Variants in SPIN1 observed in about 807,000 individuals in gnomAD.
The protein encoded by SPIN1 is spindlin-1.
In SPIN1, 3 loss-of-function variants were observed where a neutral mutation model predicts 26.0. The observed-to-expected ratio is 0.12, with a 90% CI of 0.05 to 0.30. SPIN1 has a LOEUF of 0.30. SPIN1 is among the 10% of genes least tolerant of loss of function. The probability of loss-of-function intolerance (pLI) is 1.00; values close to 1 mark genes in which losing one functional copy is unlikely to be tolerated. For synonymous variants in SPIN1, 101 were observed against 116.5 expected (o/e 0.87, Z 0.86); for missense variants, 126 against 333.4 (o/e 0.38, Z 4.84).
At chr9:88,442,129 T>C (rs1020460397) in intron 2 of SPIN1, among the ~76,000 whole-genome samples, 1 of 151,626 alleles carries the variant, frequency 6.6e-6, no homozygotes, top group Non-Finnish European at 1.5e-5. Context: ...ATTTTCCTTC[T>C]TTCTAAAGAT....
At chr9:88,464,992 A>G (rs1365076731) in intron 4 of SPIN1, among the ~76,000 whole-genome samples, 3 of 152,224 alleles carry the variant, frequency 2.0e-5, no homozygotes, top group African/African-American at 7.2e-5. Context: ...ATCTCATAGA[A>G]GTGGAATCAC....
rs1587791031 is a variant in SPIN1 at position 88,426,679 on chromosome 9, T to C, written c.52+88T>C. ...TGTAAAATTGGGTACTTTCACATAA[T>C]AGCTAGTGAAAAACTTTGTCATTTC... On this transcript the variant is annotated intron_variant, in intron 2 of 5. Transcript: ENST00000375859. The C allele has an allele frequency of 3.4e-6, 4 of 1,162,960 alleles. No individual in the cohort carries two copies. The Admixed American group carries it at 7.0e-5, about 20-fold the overall frequency. 72.0% of individuals were successfully genotyped at this position (1,162,960 alleles called of 1,614,324 possible).
At position 88,397,512 on chromosome 9, in the gene SPIN1, C is replaced by G. The variant is rs1478407185; in HGVS notation, c.-159+8974C>G. 1.3e-5 allele frequency among the ~76,000 whole-genome samples: 2 copies of G among 152,084 alleles called. 1 individual carries two copies. Among genetic ancestry groups the G allele is most frequent in the Non-Finnish European group, 2.9e-5 (2 of 68,020 alleles). On this transcript the variant is annotated intron_variant, in intron 1 of 5. Transcript: ENST00000375859. ...TATTCCTGGTCTTTAGAGTTTGGCT[C>G]AAGCATCACTTTTAATGAAATTTTC...
At chr9:88,440,925 T>G (rs1179574338) in intron 2 of SPIN1, among the ~76,000 whole-genome samples, 2 of 151,104 alleles carry the variant, frequency 1.3e-5, no homozygotes, top group Non-Finnish European at 2.9e-5. Flanking sequence ...TTGTGTTTTC[T>G]TACAAAAAAC....
intron 1 of SPIN1, chr9:88,418,839 CTG>C (rs1282479514): frequency 2.0e-5 from 3 of 151,974 alleles, no homozygotes; most frequent in East Asian, 3.9e-4. Flanking sequence ...ATTTTAATGT[CTG>C]TGCTGCAGTT....
intron 1 of SPIN1, among the ~76,000 whole-genome samples, chr9:88,406,759 A>G (rs1827319688): frequency 6.6e-6 from 1 of 151,862 alleles, no homozygotes; most frequent in Admixed American, 6.6e-5. Flanking sequence ...CTTCTTTTAG[A>G]TGCTTATTTT....
In SPIN1 at chr9:88,436,324, GAT is replaced by G. The variant is rs1205508666; in HGVS notation, c.52+9735_52+9736del. On this transcript the variant is annotated intron_variant, in intron 2 of 5. Coordinates refer to ENST00000375859, the MANE Select transcript of SPIN1 (RefSeq NM_006717.3). Reference sequence around the variant, plus strand: ...TTCTACAGTTTTAGAGTTGCAAAGAGATAACGGGCTCTATTTTTTTAGAGCAG... The same window carrying G: ...TTCTACAGTTTTAGAGTTGCAAAGAGAACGGGCTCTATTTTTTTAGAGCAG... Among the ~76,000 whole-genome samples the G allele has an allele frequency of 2.0e-5, 3 of 152,312 alleles. No individual in the cohort carries two copies. In the East Asian group the frequency reaches 5.8e-4, roughly 29 times the overall value.
intron 2 of SPIN1, among the ~76,000 whole-genome samples, chr9:88,432,225 C>T (rs978748986): frequency 2.6e-5 from 3 of 114,816 alleles, no homozygotes; most frequent in Non-Finnish European, 4.9e-5. Context: ...GAGTCTTGCT[C>T]TGTTGCCCAG....
intron 2 of SPIN1, among the ~76,000 whole-genome samples, chr9:88,436,665 G>A (rs757981110): frequency 4.1e-4 from 62 of 150,768 alleles, no homozygotes; most frequent in Non-Finnish European, 8.6e-4. Context: ...CCAGAATAAC[G>A]TCATAAAGTC....
At chr9:88,404,447 T>C (rs1827252804) in intron 1 of SPIN1, among the ~76,000 whole-genome samples, 1 of 152,172 alleles carries the variant, frequency 6.6e-6, no homozygotes, top group African/African-American at 2.4e-5. Context: ...CCGTGTAGCT[T>C]TTTTACTTTA....
intron 1 of SPIN1, among the ~76,000 whole-genome samples, chr9:88,405,271 C>T (rs1353451607): frequency 6.6e-6 from 1 of 152,032 alleles, no homozygotes; most frequent in African/African-American, 2.4e-5. Context: ...CTCTGTCTCC[C>T]AGGCTGGAGT....
rs1828867314 is a variant in SPIN1 at position 88,475,125 on chromosome 9, C to T, written c.637C>T (p.Leu213=). 5.0e-6 allele frequency: 8 copies of T among 1,606,562 alleles called. No individual in the cohort carries two copies. Among genetic ancestry groups the T allele is most frequent in the Non-Finnish European group, 6.8e-6 (8 of 1,178,790 alleles). The change falls in exon 6 of 6, where the codon CTG becomes TTG. Residue 213 remains leucine (L), a synonymous_variant. Coordinates refer to ENST00000375859, the MANE Select transcript of SPIN1 (RefSeq NM_006717.3). ...GGAACCAGGAGAAGTTGTGGACAGCCTGGTAGGCAAACAAGTGGAATATGC... is the reference window on the plus strand; with the variant it reads ...GGAACCAGGAGAAGTTGTGGACAGCTTGGTAGGCAAACAAGTGGAATATGC... ...EREPGEVVDS[L]VGKQVEYAKE...
In SPIN1 at chr9:88,476,831, G is replaced by C. The variant is rs1252887537; in HGVS notation, c.*1554G>C. The C allele has an allele frequency of 2.0e-5, 3 of 152,062 alleles. No homozygotes were observed. Among genetic ancestry groups the C allele is most frequent in the Non-Finnish European group, 4.4e-5 (3 of 68,018 alleles). 9.4% of individuals were successfully genotyped at this position (152,062 alleles called of 1,614,324 possible). On this transcript the variant is annotated 3_prime_UTR_variant, in exon 6 of 6. Transcript: ENST00000375859. ...GATTGGAAATCCTCCCTGATATTTGGGCAGAGCCTAAACGTGCATGCTTGT... is the reference window on the plus strand; with the variant it reads ...GATTGGAAATCCTCCCTGATATTTGCGCAGAGCCTAAACGTGCATGCTTGT...
At chr9:88,430,622 A>G (rs1334628132) in intron 2 of SPIN1, among the ~76,000 whole-genome samples, 1 of 152,196 alleles carries the variant, frequency 6.6e-6, no homozygotes, top group Non-Finnish European at 1.5e-5. Context: ...GATTGAGGAA[A>G]TATTTGAAAG....
chr9:88,410,903 G>C (rs1249189026), intron 1 of SPIN1: 1 of 992,060 alleles, frequency 1.0e-6, no homozygotes, highest in Non-Finnish European at 1.6e-6. Flanking sequence ...TGAAGCACTA[G>C]CCATCTCTTG....
intron 1 of SPIN1, among the ~76,000 whole-genome samples, chr9:88,415,408 C>T (rs1193438542): frequency 2.6e-5 from 4 of 152,012 alleles, no homozygotes; most frequent in Non-Finnish European, 4.4e-5. Context: ...AGAACATTGT[C>T]CTTAAGTTCC....
At chr9:88,458,978 T>G (rs754717020) in intron 3 of SPIN1, among the ~76,000 whole-genome samples, 8 of 152,198 alleles carry the variant, frequency 5.3e-5, no homozygotes, top group Non-Finnish European at 8.8e-5. Flanking sequence ...TAGAGTGGTG[T>G]TTGACCACAT....
At chr9:88,446,683 C>A (rs990114735) in intron 2 of SPIN1, among the ~76,000 whole-genome samples, 1 of 152,192 alleles carries the variant, frequency 6.6e-6, no homozygotes, top group African/African-American at 2.4e-5. Flanking sequence ...GCTGGGATTA[C>A]AGGCGTGAGC....
chr9:88,460,679 G>T (rs1010282467), intron 3 of SPIN1, among the ~76,000 whole-genome samples: 8 of 152,156 alleles, frequency 5.3e-5, no homozygotes, highest in African/African-American at 1.9e-4. Flanking sequence ...AGCTCAGGCA[G>T]GCCAGCAGGA....
Sources: allele counts gnomAD v4.1 joint callset (sites outside exome capture counted in the v4.1 genomes callset), GRCh38; gene constraint gnomAD v4.1.1; transcripts MANE v1.5; gene names NCBI Gene and HGNC (gene_info 2026-07-23, HGNC 2026-07-21).